TNRC6A: variants seen among roughly 807,000 people sequenced by gnomAD.
TNRC6A encodes trinucleotide repeat containing adaptor 6A, also known as trinucleotide repeat-containing gene 6A protein.
Under a neutral mutation model 221.2 loss-of-function variants are expected in TNRC6A, and 44 were observed. That is an observed-to-expected ratio of 0.20 (90% CI 0.16 to 0.26). TNRC6A has a LOEUF of 0.26. Ranked by LOEUF, TNRC6A falls within the 10% of genes least tolerant of loss-of-function variation. The pLI is 1.00. For synonymous variants in TNRC6A, 847 were observed against 838.5 expected (o/e 1.01, Z -0.18); for missense variants, 2,199 against 2,404.4 (o/e 0.91, Z 1.79).
chr16:24,733,504 C>T (rs951268091), intron 2 of TNRC6A, among the ~76,000 whole-genome samples: 7 of 151,998 alleles, frequency 4.6e-5, no homozygotes, highest in African/African-American at 1.5e-4. Context: ...TACATGAGGG[C>T]GATTACCATT....
rs1467862437 is a variant in TNRC6A, at chr16:24,789,653, T to C, written c.1011T>C (p.Ser337=). ...ATGCTCCTGAAAGCAAATCTGAAAG[T>C]AGCAACAATAGAATGAATGCTTGGG... The part of the protein sequence containing the change: ...SVDAPESKSE[S]SNNRMNAWGT... Residue 337 remains serine (S), a synonymous_variant, in exon 6 of 25, where the codon AGT becomes AGC. Transcript: ENST00000395799. 1 of 1,614,148 alleles carries C rather than the reference T, an allele frequency of 6.2e-7. No homozygotes were observed. The highest frequency in any genetic ancestry group is 8.5e-7 in the Non-Finnish European group (1 of 1,180,024).
chr16:24,658,650 GCCCCACCCACC>G lies in TNRC6A; in HGVS notation n.402+17643_402+17653del, dbSNP rs1412661487. On this transcript the variant is annotated intron_variant and non_coding_transcript_variant, in intron 2 of 2. Coordinates refer to the TNRC6A transcript ENST00000566108. ...TGGGATTACAGGTATGAGCCACAGA[GCCCCACCCACC>G]CTGTTTCTAATGTTGTGTTTTTGAG... Among the ~76,000 whole-genome samples, 8 of 151,928 alleles carry G rather than the reference GCCCCACCCACC, an allele frequency of 5.3e-5. No individual in the cohort carries two copies. The South Asian group carries it at 1.0e-3, about 20-fold the overall frequency.
chr16:24,809,414 A>G lies in TNRC6A; in HGVS notation c.4605A>G (p.Leu1535=). The change falls in exon 18 of 25, where the codon CTA becomes CTG. Residue 1535 remains leucine, a synonymous_variant. Transcript: ENST00000395799. ...MNSIKEPQSR[L]RKWTTVDSIS... ...GTATTAAAGAGCCACAGTCAAGACT[A>G]AGGAAGTGGACGACAGTGGACAGCA... 3 of 1,603,298 alleles carry G rather than the reference A, an allele frequency of 1.9e-6. No homozygotes were observed. Among genetic ancestry groups the G allele is most frequent in the Non-Finnish European group, 2.6e-6 (3 of 1,173,342 alleles).
At chr16:24,708,681 A>G (rs1378767986) in intron 2 of TNRC6A, among the ~76,000 whole-genome samples, 2 of 152,058 alleles carry the variant, frequency 1.3e-5, no homozygotes, top group Non-Finnish European at 2.9e-5. Flanking sequence ...CCCAGAGTCC[A>G]TTATATGGCT....
chr16:24,791,010 C>T lies in TNRC6A; in HGVS notation c.2368C>T (p.Leu790=), dbSNP rs72770409. The T allele has an allele frequency of 0.046, 73,804 of 1,591,954 alleles. 2,012 individuals are homozygous for T. Among genetic ancestry groups the T allele is most frequent in the Middle Eastern group, 0.07 (413 of 5,930 alleles). Residue 790 remains leucine (L), a synonymous_variant, in exon 6 of 25, where the codon CTG becomes TTG. Transcript: ENST00000395799. ...AGGGTGGGGCGATCCCAAACCTGCTCTGAGGTGGGGAGATTCCAAAGGCTC... is the reference window on the plus strand; with the variant it reads ...AGGGTGGGGCGATCCCAAACCTGCTTTGAGGTGGGGAGATTCCAAAGGCTC... ...VSGWGDPKPA[L]RWGDSKGSNC... is the part of the protein sequence containing the mutation.
chr16:24,819,025 A>G (rs959028966), intron 21 of TNRC6A, among the ~76,000 whole-genome samples: 2 of 152,050 alleles, frequency 1.3e-5, no homozygotes, highest in East Asian at 1.9e-4. Context: ...GCCAATCCTC[A>G]TAGACTGATA....
chr16:24,683,157 G>A lies in TNRC6A; in HGVS notation n.402+42148G>A, dbSNP rs191057407. Among the ~76,000 whole-genome samples, 70 of 152,190 alleles carry A rather than the reference G, an allele frequency of 4.6e-4. 1 individual carries two copies. The East Asian group carries it at 0.013, about 29-fold the overall frequency. On this transcript the variant is annotated intron_variant and non_coding_transcript_variant, in intron 2 of 2. Coordinates refer to the TNRC6A transcript ENST00000566108. Reference sequence around the variant, plus strand: ...AAAACAGCTCTAGTGGCAGGAAAAGGCTCTCCTGCAGTTTTTTGGGTTTTG... The same window carrying A: ...AAAACAGCTCTAGTGGCAGGAAAAGACTCTCCTGCAGTTTTTTGGGTTTTG...
intron 1 of TNRC6A, among the ~76,000 whole-genome samples, chr16:24,618,750 C>A (rs963326743): frequency 1.3e-5 from 2 of 149,792 alleles, no homozygotes; most frequent in Admixed American, 6.7e-5. Context: ...CCACCTCAGC[C>A]TCCTTGAGTA....
intron 5 of TNRC6A, among the ~76,000 whole-genome samples, chr16:24,780,105 A>G (rs1202966503): frequency 1.3e-5 from 2 of 152,112 alleles, no homozygotes; most frequent in African/African-American, 4.8e-5. Flanking sequence ...AACAGGAGCA[A>G]TATTGTTCTT....
chr16:24,760,734 T>A lies in TNRC6A; in HGVS notation c.163+2374T>A, dbSNP rs1367123151. Among the ~76,000 whole-genome samples the A allele has an allele frequency of 4.5e-5, 6 of 133,440 alleles. No individual in the cohort carries two copies. In the Admixed American group the frequency reaches 5.0e-4, roughly 11 times the overall value. 87.5% of individuals were successfully genotyped at this position (133,440 alleles called of 152,430 possible). A position where few individuals can be genotyped will look rare whatever the true frequency, so the allele number is the denominator to read the frequency against. The stretch of plus-strand genomic sequence containing the variant: ...GGTGGTGGTGGTGTTTACTAAACTT[T>A]GTATTTTGGAATAATTTTAGATTTA... On this transcript the variant is annotated intron_variant, in intron 4 of 24. Transcript: ENST00000395799.
At chr16:24,633,644 C>T (rs1422471128) in intron 1 of TNRC6A, among the ~76,000 whole-genome samples, 2 of 152,214 alleles carry the variant, frequency 1.3e-5, no homozygotes, top group East Asian at 1.9e-4. Context: ...CCACCCACCT[C>T]GGCTTCCCAA....
Position 24,791,718 on chromosome 16 carries a change from G to C in TNRC6A, c.3076G>C (p.Val1026Leu), listed in dbSNP as rs374666136. The C allele has an allele frequency of 6.2e-7, 1 of 1,613,276 alleles. No individual in the cohort carries two copies. Among genetic ancestry groups the C allele is most frequent in the Non-Finnish European group, 8.5e-7 (1 of 1,179,696 alleles). ...YKNVNMWNKNVPNGNSRSDQQ... is the reference protein window; with the variant it reads ...YKNVNMWNKNLPNGNSRSDQQ... ...AAATGTGAACATGTGGAACAAAAACGTCCCAAATGGCAACAGCCGTTCAGA... is the reference window on the plus strand; with the variant it reads ...AAATGTGAACATGTGGAACAAAAACCTCCCAAATGGCAACAGCCGTTCAGA... Residue 1026 changes from valine (V) to leucine (L), a missense_variant, in exon 6 of 25, where the codon GTC (valine) becomes CTC (leucine). Physicochemically the swap from Val to Leu is conservative, Grantham distance 32 (BLOSUM62 1). This residue lies in a region of TNRC6A where 1,405 missense variants were observed against 1,400.2 expected (regional missense o/e 1.00). Coordinates refer to ENST00000395799, the MANE Select transcript of TNRC6A (RefSeq NM_014494.4).
intron 1 of TNRC6A, among the ~76,000 whole-genome samples, chr16:24,637,559 G>A (rs1021631135): frequency 6.6e-6 from 1 of 152,152 alleles, no homozygotes; most frequent in African/African-American, 2.4e-5. Context: ...AAGTAAGGAA[G>A]GAGGAAGGGA....
intron 20 of TNRC6A, 106 bp from the exon 21 acceptor site, chr16:24,818,487 C>T (rs2152091740): frequency 2.4e-6 from 2 of 849,176 alleles, no homozygotes; most frequent in Non-Finnish European, 3.9e-6. Context: ...GACCTGTTTC[C>T]TTTCTTGTGG....
chr16:24,804,981 C>A (rs1056197961), intron 13 of TNRC6A, 33 bp from the exon 14 acceptor site: 4 of 1,614,106 alleles, frequency 2.5e-6, no homozygotes, highest in Non-Finnish European at 3.4e-6. Context: ...CCTAAAGAAT[C>A]CCACTGTTAC....
At position 24,666,333 on chromosome 16, in the gene TNRC6A, C is replaced by T. The variant is rs191594603; in HGVS notation, n.402+25324C>T. 7.2e-3 allele frequency among the ~76,000 whole-genome samples: 1,085 copies of T among 151,638 alleles called. 24 individuals are homozygous for T. Among genetic ancestry groups the T allele is most frequent in the African/African-American group, 0.024 (998 of 41,350 alleles). ...AATACAAAAGAAAAAATTAGCCAGG[C>T]GTGGTGGCAGGTGCCTGTAGTCCCA... On this transcript the variant is annotated intron_variant and non_coding_transcript_variant, in intron 2 of 2. Coordinates refer to the TNRC6A transcript ENST00000566108.
intron 2 of TNRC6A, chr16:24,663,991 C>T (rs74475175): frequency 2.2e-6 from 1 of 456,438 alleles, no homozygotes; most frequent in East Asian, 6.9e-5. Flanking sequence ...CATCCCAAGC[C>T]TCTTGAGATA....
intron 4 of TNRC6A, among the ~76,000 whole-genome samples, chr16:24,774,005 G>A (rs1382775300): frequency 6.6e-6 from 1 of 151,840 alleles, no homozygotes; most frequent in Non-Finnish European, 1.5e-5. Flanking sequence ...CAGATAATTG[G>A]GGGCTTCTAT....
At chr16:24,780,112 T>C (rs2057808840) in intron 5 of TNRC6A, among the ~76,000 whole-genome samples, 1 of 152,172 alleles carries the variant, frequency 6.6e-6, no homozygotes, top group African/African-American at 2.4e-5. Context: ...GCAATATTGT[T>C]CTTATAGGCC....
Sources: allele counts gnomAD v4.1 joint callset (sites outside exome capture counted in the v4.1 genomes callset), GRCh38; gene constraint gnomAD v4.1.1; regional missense constraint gnomAD v4.1.1; transcripts MANE v1.5; gene names NCBI Gene and HGNC (gene_info 2026-07-23, HGNC 2026-07-21).